ADAMTSL1: variants seen among roughly 807,000 people sequenced by gnomAD.
ADAMTSL1 encodes the protein ADAMTS like 1.
ADAMTSL1 carries 126 observed loss-of-function variants against 201.8 expected under a neutral mutation model. The ratio of observed to expected loss-of-function variants is 0.62; its 90% CI spans 0.54 to 0.72. ADAMTSL1 has a LOEUF of 0.72. Ranked by LOEUF, ADAMTSL1 falls within the 30% of genes least tolerant of loss-of-function variation. The probability of loss-of-function intolerance (pLI) is 0.00; values close to 1 mark genes in which losing one functional copy is unlikely to be tolerated. For missense variants in ADAMTSL1, 2,679 were observed against 2,277.8 expected (o/e 1.18, Z -3.59); for synonymous variants, 1,121 against 903.4 (o/e 1.24, Z -4.32).
chr9:18,866,068 T>A (rs1197179460), intron 23 of ADAMTSL1, among the ~76,000 whole-genome samples: 1 of 135,408 alleles, frequency 7.4e-6, no homozygotes. Flanking sequence ...ACGTGTTTTT[T>A]GGTGTCCTTG....
intron 1 of ADAMTSL1, among the ~76,000 whole-genome samples, chr9:17,958,414 G>A (rs1038887470): frequency 6.6e-6 from 1 of 152,130 alleles, no homozygotes; most frequent in Non-Finnish European, 1.5e-5. Context: ...AAAGGCACAA[G>A]TTTTGTGAGC....
chr9:18,524,250 T>C (rs2132048862), intron 2 of ADAMTSL1, among the ~76,000 whole-genome samples: 1 of 152,348 alleles, frequency 6.6e-6, no homozygotes, highest in East Asian at 1.9e-4. Flanking sequence ...TTGTCTGTTA[T>C]TGGTGTATAA....
intron 2 of ADAMTSL1, among the ~76,000 whole-genome samples, chr9:18,432,631 AACCC>A (rs1819546711): frequency 6.6e-6 from 1 of 152,192 alleles, no homozygotes; most frequent in Admixed American, 6.5e-5. Context: ...GAACCAATAA[AACCC>A]ACATTCCAGT....
Position 17,950,724 on chromosome 9 carries a change from G to A in ADAMTSL1, c.87+43802G>A, listed in dbSNP as rs187994242. ...CTGATAAACATATACATTTATATCC[G>A]TCAGAGTCACAACTGAAAACAGATG... On this transcript the variant is annotated intron_variant, in intron 1 of 29. Coordinates refer to the ADAMTSL1 transcript ENST00000680146. 2.5e-4 allele frequency among the ~76,000 whole-genome samples: 38 copies of A among 152,072 alleles called. No homozygotes were observed. The East Asian group carries it at 3.9e-3, about 15-fold the overall frequency.
intron 2 of ADAMTSL1, among the ~76,000 whole-genome samples, chr9:18,278,321 TC>T (rs894283785): frequency 6.6e-6 from 1 of 152,222 alleles, no homozygotes; most frequent in Non-Finnish European, 1.5e-5. Flanking sequence ...CTTTAGCATT[TC>T]TGGTACAGCA....
chr9:18,442,763 A>C (rs1315186869), intron 2 of ADAMTSL1, among the ~76,000 whole-genome samples: 1 of 152,196 alleles, frequency 6.6e-6, no homozygotes, highest in Non-Finnish European at 1.5e-5. Flanking sequence ...AGCTCCTGAC[A>C]GCTGGCTTTG....
At chr9:18,752,633 G>A (rs191472865) in intron 15 of ADAMTSL1, among the ~76,000 whole-genome samples, 7 of 152,242 alleles carry the variant, frequency 4.6e-5, no homozygotes, top group Non-Finnish European at 7.4e-5. Flanking sequence ...TGGCCAGTTC[G>A]TGCACTCAAC....
rs553810100 is a variant in ADAMTSL1 at position 18,046,636 on chromosome 9, C to A, written c.88-117226C>A. Among the ~76,000 whole-genome samples the A allele has an allele frequency of 3.9e-3, 597 of 152,220 alleles. 3 individuals are homozygous for A. Among genetic ancestry groups the A allele is most frequent in the African/African-American group, 0.013 (551 of 41,534 alleles). On this transcript the variant is annotated intron_variant, in intron 1 of 29. Transcript: ENST00000680146. ...CAGGAAATAAAATTTGTTTTTGAATCCCTGTACTCTTAACTATTTATATTA... is the reference window on the plus strand; with the variant it reads ...CAGGAAATAAAATTTGTTTTTGAATACCTGTACTCTTAACTATTTATATTA...
intron 1 of ADAMTSL1, among the ~76,000 whole-genome samples, chr9:18,039,283 T>C (rs1454625227): frequency 6.6e-6 from 1 of 152,204 alleles, no homozygotes; most frequent in Non-Finnish European, 1.5e-5. Flanking sequence ...AAATAAATAG[T>C]TTTATCTGGG....
At chr9:18,556,576 A>G (rs1169796614) in intron 3 of ADAMTSL1, among the ~76,000 whole-genome samples, 1 of 151,992 alleles carries the variant, frequency 6.6e-6, no homozygotes, top group Non-Finnish European at 1.5e-5. Context: ...AAGCTATGCT[A>G]TAAGCCTCAA....
intron 24 of ADAMTSL1, 103 bp downstream of exon 24, chr9:18,888,146 C>G (rs562460088): frequency 1.6e-6 from 2 of 1,254,092 alleles, no homozygotes; most frequent in South Asian, 1.5e-5. Context: ...TCCAGTGGTA[C>G]TCAAGGCATG....
chr9:18,503,856 C>T (rs1380613926), intron 1 of ADAMTSL1, among the ~76,000 whole-genome samples: 2 of 152,180 alleles, frequency 1.3e-5, no homozygotes, highest in East Asian at 1.9e-4. Context: ...AATAACCGCA[C>T]CCCATAGCAA....
chr9:18,846,811 G>A (rs1826147088), intron 23 of ADAMTSL1, among the ~76,000 whole-genome samples: 1 of 152,174 alleles, frequency 6.6e-6, no homozygotes, highest in Non-Finnish European at 1.5e-5. Flanking sequence ...ACTTCAACGG[G>A]ACTTGGTAAA....
chr9:18,481,674 G>T (rs1821736777), intron 1 of ADAMTSL1, among the ~76,000 whole-genome samples: 1 of 151,916 alleles, frequency 6.6e-6, no homozygotes. Context: ...GTAAATTATG[G>T]CTTTCCATAG....
At chr9:18,004,704 C>A (rs1819745588) in intron 1 of ADAMTSL1, among the ~76,000 whole-genome samples, 1 of 151,978 alleles carries the variant, frequency 6.6e-6, no homozygotes, top group African/African-American at 2.4e-5. Flanking sequence ...AGAGTGCTAC[C>A]TTTGATGCAT....
At chr9:18,202,398 T>C (rs1829486401) in intron 2 of ADAMTSL1, among the ~76,000 whole-genome samples, 1 of 152,228 alleles carries the variant, frequency 6.6e-6, no homozygotes, top group Admixed American at 6.5e-5. Context: ...TAATGTTCTT[T>C]CAATACGTGT....
chr9:18,660,385 A>T (rs1214289505), intron 8 of ADAMTSL1, among the ~76,000 whole-genome samples: 1 of 152,224 alleles, frequency 6.6e-6, no homozygotes, highest in African/African-American at 2.4e-5. Context: ...AATACCTTAT[A>T]AAACTTTAGA....
At chr9:18,129,618 C>T (rs1193752344) in intron 1 of ADAMTSL1, among the ~76,000 whole-genome samples, 5 of 152,026 alleles carry the variant, frequency 3.3e-5, no homozygotes, top group African/African-American at 1.2e-4. Flanking sequence ...GCTTTGTAAA[C>T]TTGTATATGT....
intron 23 of ADAMTSL1, among the ~76,000 whole-genome samples, chr9:18,886,354 C>G (rs1053162921): frequency 6.6e-6 from 1 of 151,522 alleles, no homozygotes; most frequent in Non-Finnish European, 1.5e-5. Context: ...CCACTGCACT[C>G]CAGCTTGGGT....
Sources: gnomAD v4.1 joint callset for allele counts (sites outside exome capture counted in the v4.1 genomes callset) on GRCh38, gnomAD v4.1.1 for gene constraint, MANE v1.5 for transcripts, NCBI Gene and HGNC (gene_info 2026-07-23, HGNC 2026-07-21) for gene names.